Variants in RAB38 observed in about 807,000 individuals in gnomAD.
RAB38 encodes the protein ras-related protein Rab-38.
Under a neutral mutation model 18.4 loss-of-function variants are expected in RAB38, and 15 were observed. The ratio of observed to expected loss-of-function variants is 0.82; its 90% CI spans 0.55 to 1.26. The LOEUF (loss-of-function observed/expected upper bound fraction) is 1.26, where lower values mean the gene tolerates loss of function less well. Among genes scored for constraint, RAB38 ranks in the 50% most tolerant of loss-of-function variants. The pLI, the probability that RAB38 is intolerant of heterozygous loss-of-function variation, is 0.00. For missense variants in RAB38, 294 were observed against 267.4 expected, an observed-to-expected ratio of 1.10 and a Z score of -0.69; for synonymous variants, 101 against 104.4, an observed-to-expected ratio of 0.97 and a Z score of 0.20.
the RAB38 span, among the ~76,000 whole-genome samples, chr11:87,971,640 A>G: frequency 6.6e-6 from 1 of 152,136 alleles, no homozygotes; most frequent in African/African-American, 2.4e-5. Flanking sequence ...AAAGTTCTAT[A>G]GATACAGAGT....
At chr11:88,032,639 C>A in the RAB38 span, among the ~76,000 whole-genome samples, 1 of 152,222 alleles carries the variant, frequency 6.6e-6, no homozygotes. Flanking sequence ...CTCGCCATCA[C>A]TGGCCATCAG....
At chr11:87,941,033 T>C in the RAB38 span, among the ~76,000 whole-genome samples, 2 of 151,502 alleles carry the variant, frequency 1.3e-5, no homozygotes, top group Admixed American at 1.3e-4. Context: ...CATGTACCTG[T>C]CACTGTGATA....
the RAB38 span, among the ~76,000 whole-genome samples, chr11:87,842,011 A>G: frequency 2.0e-5 from 3 of 152,124 alleles, no homozygotes; most frequent in East Asian, 1.9e-4. Flanking sequence ...TTTTTCTTCA[A>G]AACACTTTGT....
the RAB38 span, among the ~76,000 whole-genome samples, chr11:88,034,009 G>A: frequency 1.3e-5 from 2 of 152,138 alleles, no homozygotes; most frequent in Non-Finnish European, 2.9e-5. Flanking sequence ...TTACTAGCAT[G>A]AGCCACCGCG....
chr11:87,959,769 T>C, the RAB38 span, among the ~76,000 whole-genome samples: 1 of 152,164 alleles, frequency 6.6e-6, no homozygotes, highest in Non-Finnish European at 1.5e-5. Context: ...AAGCTTGACA[T>C]AGCATCGATG....
At chr11:87,828,214 T>C in the RAB38 span, among the ~76,000 whole-genome samples, 1 of 152,236 alleles carries the variant, frequency 6.6e-6, no homozygotes. Context: ...TATTTGTTGA[T>C]TTGATACCAA....
At chr11:87,974,270 G>C in the RAB38 span, among the ~76,000 whole-genome samples, 1 of 150,578 alleles carries the variant, frequency 6.6e-6, no homozygotes, top group African/African-American at 2.4e-5. Flanking sequence ...AAGCTCCACA[G>C]AAAAAATAGA....
chr11:88,084,590 G>A, the RAB38 span, among the ~76,000 whole-genome samples: 1 of 151,808 alleles, frequency 6.6e-6, no homozygotes. Flanking sequence ...TGATTAATAA[G>A]TGACTGTTTA....
the RAB38 span, among the ~76,000 whole-genome samples, chr11:87,936,249 T>C: frequency 6.6e-6 from 1 of 152,126 alleles, no homozygotes; most frequent in Non-Finnish European, 1.5e-5. Flanking sequence ...CTTATGTTTT[T>C]ATTCTAAAAG....
the RAB38 span, among the ~76,000 whole-genome samples, chr11:87,820,616 C>T: frequency 3.3e-5 from 5 of 152,208 alleles, no homozygotes; most frequent in East Asian, 3.9e-4. Flanking sequence ...GATTTTCATG[C>T]ATGAAACTCT....
At chr11:87,961,848 C>A in the RAB38 span, among the ~76,000 whole-genome samples, 1 of 152,074 alleles carries the variant, frequency 6.6e-6, no homozygotes, top group Non-Finnish European at 1.5e-5. Flanking sequence ...TTATTTATGT[C>A]ATATTTATGC....
chr11:87,910,015 G>A, the RAB38 span, among the ~76,000 whole-genome samples: 3 of 151,996 alleles, frequency 2.0e-5, no homozygotes, highest in South Asian at 4.1e-4. Context: ...ACCCTTTTAT[G>A]TTTCTGCCAG....
the RAB38 span, among the ~76,000 whole-genome samples, chr11:87,920,478 T>C: frequency 6.6e-6 from 1 of 152,102 alleles, no homozygotes; most frequent in Admixed American, 6.6e-5. Flanking sequence ...ATTCTAATTT[T>C]AGACCATTGT....
At chr11:88,110,506 G>A (rs1300494909), downstream of RAB38, among the ~76,000 whole-genome samples, 1 of 152,004 alleles carries the variant, frequency 6.6e-6, no homozygotes, top group Non-Finnish European at 1.5e-5. Context: ...ATGTATCCCA[G>A]AACCTAAAGT....
the RAB38 span, among the ~76,000 whole-genome samples, chr11:87,846,859 A>G: frequency 8.5e-5 from 13 of 152,208 alleles, no homozygotes; most frequent in African/African-American, 2.9e-4. Flanking sequence ...GGGGAATTAC[A>G]TTAGAACCAA....
At chr11:87,910,929 C>T in the RAB38 span, among the ~76,000 whole-genome samples, 5 of 152,000 alleles carry the variant, frequency 3.3e-5, no homozygotes, top group South Asian at 2.1e-4. Flanking sequence ...AGCCACAGTG[C>T]GCAGCCTCAA....
chr11:87,937,216 C>A, the RAB38 span, among the ~76,000 whole-genome samples: 8 of 150,206 alleles, frequency 5.3e-5, no homozygotes, highest in African/African-American at 2.0e-4. Flanking sequence ...GATCAGGTAA[C>A]TGCTCTTCTT....
intron 1 of RAB38, among the ~76,000 whole-genome samples, chr11:88,158,026 C>T (rs114935740): frequency 1.0e-3 from 158 of 151,700 alleles, no homozygotes; most frequent in African/African-American, 3.7e-3. Context: ...GATCAATAGA[C>T]AACAAGCTAA....
the RAB38 span, among the ~76,000 whole-genome samples, chr11:87,922,182 C>T: frequency 6.6e-6 from 1 of 151,964 alleles, no homozygotes; most frequent in Non-Finnish European, 1.5e-5. Flanking sequence ...CAGTGTGTCA[C>T]TTTGGATGGT....
Sources: gnomAD v4.1 joint callset for allele counts (sites outside exome capture counted in the v4.1 genomes callset) on GRCh38, gnomAD v4.1.1 for gene constraint, MANE v1.5 for transcripts, NCBI Gene and HGNC (gene_info 2026-07-23, HGNC 2026-07-21) for gene names.